Variants in STAB2 observed in about 807,000 individuals in gnomAD.
STAB2 encodes stabilin 2.
Under a neutral mutation model 338.1 loss-of-function variants are expected in STAB2, and 288 were observed. The observed-to-expected ratio is 0.85, with a 90% CI of 0.77 to 0.94. The LOEUF is 0.94. Among genes scored for constraint, STAB2 ranks in the 40% least tolerant of loss-of-function variants. The pLI is 0.00. For missense variants in STAB2, 3,141 were observed against 3,210.1 expected, an observed-to-expected ratio of 0.98 and a Z score of 0.52; for synonymous variants, 1,202 against 1,193.3, an observed-to-expected ratio of 1.01 and a Z score of -0.15.
chr12:103,596,478 G>A (rs1956877544), intron 3 of STAB2, among the ~76,000 whole-genome samples: 1 of 152,234 alleles, frequency 6.6e-6, no homozygotes, highest in Non-Finnish European at 1.5e-5. Context: ...CTGTCAAATG[G>A]GGGCTAAAAG....
chr12:103,589,631 G>A (rs11111668), intron 1 of STAB2, among the ~76,000 whole-genome samples: 6,055 of 152,186 alleles, frequency 0.04, 177 homozygotes, highest in East Asian at 0.12. Context: ...TGCTCCACTG[G>A]GCCAGCCACA....
rs571270517 is a variant in STAB2 at position 103,755,153 on chromosome 12, C to A, written c.6715-149C>A. 5.8e-5 allele frequency: 62 copies of A among 1,068,810 alleles called. No individual in the cohort carries two copies. In the Middle Eastern group the frequency reaches 6.3e-4, roughly 11 times the overall value. The allele number at this position is 1,068,810 out of a possible 1,614,324, so 66.2% of individuals were successfully genotyped here. On this transcript the variant is annotated intron_variant, in intron 61 of 68. Transcript: ENST00000388887. ...CAATCAATCAGTCAACATCTAATGACCACCTACTGTGTGCCAGGCACAGAG... is the reference window on the plus strand; with the variant it reads ...CAATCAATCAGTCAACATCTAATGAACACCTACTGTGTGCCAGGCACAGAG...
intron 28 of STAB2, 79 bp from the exon 29 acceptor site, chr12:103,689,767 C>T (rs1877761345): frequency 6.5e-7 from 1 of 1,526,820 alleles, no homozygotes; most frequent in African/African-American, 1.4e-5. Context: ...GGGAAATTGT[C>T]ATCTCTTCCA....
intron 5 of STAB2, among the ~76,000 whole-genome samples, chr12:103,630,861 C>A (rs1957449649): frequency 6.6e-6 from 1 of 152,206 alleles, no homozygotes; most frequent in Non-Finnish European, 1.5e-5. Context: ...GACTTCTCAC[C>A]TCCAGAATTA....
intron 19 of STAB2, among the ~76,000 whole-genome samples, chr12:103,666,566 C>T (rs190477488): frequency 8.3e-4 from 127 of 152,350 alleles, no homozygotes; most frequent in Non-Finnish European, 9.7e-4. Context: ...AGTCGTTTAA[C>T]CCTTTTACTG....
chr12:103,748,388 G>T (rs1483378175), intron 58 of STAB2, among the ~76,000 whole-genome samples: 2 of 152,128 alleles, frequency 1.3e-5, no homozygotes, highest in Admixed American at 6.5e-5. Context: ...AAAAACAAAG[G>T]TTCTAAGAGG....
intron 68 of STAB2, 122 bp from the exon 69 acceptor site, chr12:103,766,164 C>G: frequency 7.6e-7 from 1 of 1,320,934 alleles, no homozygotes; most frequent in Non-Finnish European, 1.1e-6. Flanking sequence ...CAAACACGCC[C>G]AGCACATACG....
chr12:103,599,109 G>A (rs1036036567), intron 3 of STAB2, among the ~76,000 whole-genome samples: 2 of 152,154 alleles, frequency 1.3e-5, no homozygotes, highest in African/African-American at 4.8e-5. Context: ...AAAATACCTG[G>A]AATATTGGGA....
At chr12:103,744,150 CTT>C (rs35188722) in intron 56 of STAB2, among the ~76,000 whole-genome samples, 4 of 149,060 alleles carry the variant, frequency 2.7e-5, no homozygotes, top group Non-Finnish European at 4.5e-5. Context: ...TTTAATGTTA[CTT>C]TTTTTTTTTG....
intron 18 of STAB2, 65 bp downstream of exon 18, chr12:103,663,063 C>T (rs1874762684): frequency 1.3e-6 from 2 of 1,560,734 alleles, no homozygotes; most frequent in African/African-American, 2.8e-5. Flanking sequence ...GCATCCCACT[C>T]CTCACAATTC....
intron 21 of STAB2, 82 bp downstream of exon 21, chr12:103,669,709 C>A: frequency 8.1e-7 from 1 of 1,231,390 alleles, no homozygotes; most frequent in Non-Finnish European, 1.2e-6. Flanking sequence ...GATATAATGC[C>A]AGCTACTCTT....
intron 3 of STAB2, among the ~76,000 whole-genome samples, chr12:103,607,511 T>C (rs1447730278): frequency 2.0e-5 from 3 of 151,626 alleles, no homozygotes; most frequent in Admixed American, 6.6e-5. Flanking sequence ...ACATTAGGTA[T>C]ATCTCCTAAT....
At chr12:103,688,780 T>A (rs1435872526) in intron 28 of STAB2, among the ~76,000 whole-genome samples, 1 of 152,156 alleles carries the variant, frequency 6.6e-6, no homozygotes, top group African/African-American at 2.4e-5. Context: ...CTGAGCGTGC[T>A]CTCTTGAGCA....
intron 23 of STAB2, among the ~76,000 whole-genome samples, chr12:103,674,659 G>T (rs1362094717): frequency 7.2e-5 from 11 of 152,126 alleles, no homozygotes; most frequent in African/African-American, 2.7e-4. Context: ...TTCTGCAGTG[G>T]GTTTGAGGGG....
rs539059009 is a variant in STAB2 at position 103,611,825 on chromosome 12, C to T, written c.332-8643C>T. Among the ~76,000 whole-genome samples the T allele has an allele frequency of 2.0e-4, 30 of 152,186 alleles. 1 individual carries two copies. In the South Asian group the frequency reaches 6.0e-3, roughly 31 times the overall value. On this transcript the variant is annotated intron_variant, in intron 3 of 68. Transcript: ENST00000388887. ...GGCATGTTTTTGCAGTGGCTGGTAC[C>T]GGTTGTTCCTTTCCATGTTTAGTGC... is the stretch of plus-strand genomic sequence containing the variant.
At chr12:103,599,579 G>A (rs146836338) in intron 3 of STAB2, among the ~76,000 whole-genome samples, 131 of 152,272 alleles carry the variant, frequency 8.6e-4, no homozygotes, top group African/African-American at 3.0e-3. Context: ...AGTTCTATTT[G>A]AATTTCAGAT....
chr12:103,716,708 G>A (rs750840295), intron 43 of STAB2, among the ~76,000 whole-genome samples: 3 of 152,182 alleles, frequency 2.0e-5, no homozygotes, highest in South Asian at 2.1e-4. Flanking sequence ...GGGGGAATTC[G>A]GAACAGTCAA....
intron 5 of STAB2, among the ~76,000 whole-genome samples, chr12:103,627,485 G>A (rs703618): frequency 0.43 from 65,365 of 152,058 alleles, 15,681 homozygotes; most frequent in Non-Finnish European, 0.56. Context: ...CAAGTTTTAT[G>A]TGTCTCTAGA....
At chr12:103,596,985 A>G (rs922031730) in intron 3 of STAB2, among the ~76,000 whole-genome samples, 5 of 150,754 alleles carry the variant, frequency 3.3e-5, no homozygotes, top group Admixed American at 6.6e-5. Context: ...AAAAGAGTCC[A>G]AAAGGGCTCT....
Sources: gnomAD v4.1 joint callset for allele counts (sites outside exome capture counted in the v4.1 genomes callset) on GRCh38, gnomAD v4.1.1 for gene constraint, MANE v1.5 for transcripts, NCBI Gene and HGNC (gene_info 2026-07-23, HGNC 2026-07-21) for gene names.